Variants in DCLK1 observed in about 807,000 individuals in gnomAD.
DCLK1 encodes the protein doublecortin like kinase 1.
In DCLK1, 16 loss-of-function variants were observed where a neutral mutation model predicts 86.2. The observed-to-expected ratio is 0.19, with a 90% CI of 0.13 to 0.28. The LOEUF is 0.28. Among genes scored for constraint, DCLK1 ranks in the 10% least tolerant of loss-of-function variants. The pLI is 1.00. For synonymous variants in DCLK1, 369 were observed against 370.5 expected, an observed-to-expected ratio of 1.00 and a Z score of 0.05; for missense variants, 590 against 940.2, an observed-to-expected ratio of 0.63 and a Z score of 4.87.
chr13:35,812,781 T>G (rs2087175280), intron 11 of DCLK1, among the ~76,000 whole-genome samples: 2 of 152,212 alleles, frequency 1.3e-5, no homozygotes, highest in Non-Finnish European at 2.9e-5. Flanking sequence ...CTGGCAGGTA[T>G]CCGAAGATTT....
intron 3 of DCLK1, among the ~76,000 whole-genome samples, chr13:35,976,686 G>A (rs1183205338): frequency 2.6e-5 from 4 of 151,484 alleles, no homozygotes; most frequent in Non-Finnish European, 5.9e-5. Flanking sequence ...GCCCGCCACT[G>A]CGCCCGGCTA....
chr13:35,849,070 CT>C (rs1483306364), intron 6 of DCLK1: 1 of 985,214 alleles, frequency 1.0e-6, no homozygotes, highest in African/African-American at 1.7e-5. Context: ...AGAGAAGTGT[CT>C]TTCTCTCCAA....
intron 6 of DCLK1, chr13:35,846,718 C>T (rs970926934): frequency 2.0e-6 from 2 of 985,150 alleles, no homozygotes; most frequent in African/African-American, 3.5e-5. Flanking sequence ...AGACAGTTGT[C>T]ACTAACATGC....
intron 3 of DCLK1, among the ~76,000 whole-genome samples, chr13:36,001,194 C>T (rs992833845): frequency 6.6e-6 from 1 of 152,152 alleles, no homozygotes; most frequent in African/African-American, 2.4e-5. Context: ...GTGATCCACC[C>T]ACTTCGGCCT....
intron 6 of DCLK1, among the ~76,000 whole-genome samples, chr13:35,853,291 T>A (rs918041477): frequency 3.3e-5 from 5 of 152,172 alleles, no homozygotes; most frequent in African/African-American, 1.2e-4. Flanking sequence ...GTGTTTCCAA[T>A]GGAGACCCAG....
intron 5 of DCLK1, among the ~76,000 whole-genome samples, chr13:35,864,232 G>A (rs566833664): frequency 5.3e-5 from 8 of 152,250 alleles, no homozygotes; most frequent in African/African-American, 1.9e-4. Flanking sequence ...GGGTTCCACA[G>A]ACAGAGATTC....
intron 3 of DCLK1, among the ~76,000 whole-genome samples, chr13:36,069,823 C>T (rs1002061079): frequency 2.0e-5 from 3 of 152,210 alleles, no homozygotes; most frequent in Non-Finnish European, 4.4e-5. Flanking sequence ...AACCACAATG[C>T]ATATAATCTA....
chr13:36,036,766 A>C (rs1467945852), intron 3 of DCLK1, among the ~76,000 whole-genome samples: 1 of 152,154 alleles, frequency 6.6e-6, no homozygotes, highest in East Asian at 1.9e-4. Flanking sequence ...TTTTGAATGT[A>C]ATTGTTGGTA....
chr13:35,919,451 A>G (rs1450193456), intron 4 of DCLK1, among the ~76,000 whole-genome samples: 1 of 152,152 alleles, frequency 6.6e-6, no homozygotes, highest in Non-Finnish European at 1.5e-5. Context: ...CTTAAATCTT[A>G]TGCAGAGCCC....
intron 3 of DCLK1, among the ~76,000 whole-genome samples, chr13:35,994,566 G>A (rs1880391720): frequency 6.6e-6 from 1 of 152,084 alleles, no homozygotes; most frequent in Admixed American, 6.5e-5. Context: ...ATAAAAAAAA[G>A]GCAGCCAACT....
chr13:36,129,100 G>C (rs1185684580), intron 1 of DCLK1, among the ~76,000 whole-genome samples: 1 of 152,140 alleles, frequency 6.6e-6, no homozygotes, highest in Admixed American at 6.5e-5. Flanking sequence ...TAGGAGTTTG[G>C]GGATTTCCTT....
intron 4 of DCLK1, among the ~76,000 whole-genome samples, chr13:35,909,833 T>C (rs1272274956): frequency 6.6e-6 from 1 of 152,032 alleles, no homozygotes; most frequent in Non-Finnish European, 1.5e-5. Flanking sequence ...CCCTAGACTT[T>C]ATTACTCCTT....
At chr13:36,079,924 G>T (rs1233797560) in intron 3 of DCLK1, among the ~76,000 whole-genome samples, 2 of 152,144 alleles carry the variant, frequency 1.3e-5, no homozygotes, top group Admixed American at 6.5e-5. Context: ...TCAGACTTTA[G>T]AAAAATGGTG....
chr13:36,126,275 G>A (rs1886186045), intron 1 of DCLK1, 119 bp from the exon 2 acceptor site: 1 of 800,764 alleles, frequency 1.2e-6, no homozygotes, highest in Non-Finnish European at 1.7e-6. Flanking sequence ...TCACCGGGCT[G>A]CAGTGAGATG....
chr13:35,958,153 C>CCAT (rs1236065205), intron 3 of DCLK1, among the ~76,000 whole-genome samples: 6 of 46,932 alleles, frequency 1.3e-4, no homozygotes, highest in East Asian at 7.0e-4. Flanking sequence ...ACCACCACCA[C>CCAT]TATAACCATC....
intron 16 of DCLK1, among the ~76,000 whole-genome samples, chr13:35,789,355 A>G (rs2086673115): frequency 1.3e-5 from 2 of 152,250 alleles, no homozygotes; most frequent in Admixed American, 1.3e-4. Flanking sequence ...AAACTAGGCT[A>G]TCCAAGTGTG....
In DCLK1 at chr13:36,091,339, AT is replaced by A. The variant is rs1476170245; in HGVS notation, c.723+20529del. ...TGCAACAAACCTGCACGTTCTGCAC[AT>A]GTATCCCAGAACTTAAAGTAAAATA... On this transcript the variant is annotated intron_variant, in intron 3 of 16. Coordinates refer to ENST00000360631, the MANE Select transcript of DCLK1 (RefSeq NM_001330071.2). Among the ~76,000 whole-genome samples the A allele has an allele frequency of 2.6e-5, 4 of 152,346 alleles. No individual in the cohort carries two copies. The East Asian group carries it at 7.7e-4, about 29-fold the overall frequency.
intron 3 of DCLK1, among the ~76,000 whole-genome samples, chr13:35,982,433 G>GAGA (rs1566631727): frequency 1.7e-3 from 36 of 21,698 alleles, no homozygotes; most frequent in African/African-American, 4.1e-3. Context: ...AGAGAGAGAG[G>GAGA]GGGAGGGAGG....
At chr13:35,848,044 C>T in intron 6 of DCLK1, 1 of 985,248 alleles carries the variant, frequency 1.0e-6, no homozygotes, top group Non-Finnish European at 1.2e-6. Flanking sequence ...ATATCTTTTT[C>T]TACAATGTCT....
Sources: gnomAD v4.1 joint callset for allele counts (sites outside exome capture counted in the v4.1 genomes callset) on GRCh38, gnomAD v4.1.1 for gene constraint, MANE v1.5 for transcripts, NCBI Gene and HGNC (gene_info 2026-07-23, HGNC 2026-07-21) for gene names.